Variants in KCNK2 observed in about 807,000 individuals in gnomAD.
The protein encoded by KCNK2 is potassium two pore domain channel subfamily K member 2.
In KCNK2, 21 loss-of-function variants were observed where a neutral mutation model predicts 40.5. That is an observed-to-expected ratio of 0.52 (90% CI 0.37 to 0.75). The LOEUF (loss-of-function observed/expected upper bound fraction) is 0.75, where lower values mean the gene tolerates loss of function less well. Ranked by LOEUF, KCNK2 falls within the 30% of genes least tolerant of loss-of-function variation. The pLI is 0.00. For synonymous variants in KCNK2, 191 were observed against 202.2 expected, an observed-to-expected ratio of 0.94 and a Z score of 0.47; for missense variants, 399 against 531.6, an observed-to-expected ratio of 0.75 and a Z score of 2.45.
At chr1:215,089,553 G>A (rs548385348) in intron 2 of KCNK2, among the ~76,000 whole-genome samples, 2 of 152,202 alleles carry the variant, frequency 1.3e-5, no homozygotes, top group East Asian at 1.9e-4. Context: ...CTCAGGGTGG[G>A]GTTGGGGAGG....
intron 1 of KCNK2, among the ~76,000 whole-genome samples, chr1:215,024,139 G>A (rs767983715): frequency 1.4e-4 from 21 of 152,202 alleles, no homozygotes; most frequent in Non-Finnish European, 2.4e-4. Flanking sequence ...AGGGATCTGA[G>A]TGGAGCAAGT....
intron 2 of KCNK2, among the ~76,000 whole-genome samples, chr1:215,116,147 G>C (rs1307793818): frequency 6.6e-6 from 1 of 151,968 alleles, no homozygotes; most frequent in Non-Finnish European, 1.5e-5. Flanking sequence ...TGTAAACTAT[G>C]TTAAATGTAG....
At chr1:215,051,687 G>A (rs924468940) in intron 1 of KCNK2, among the ~76,000 whole-genome samples, 2 of 152,270 alleles carry the variant, frequency 1.3e-5, no homozygotes, top group East Asian at 1.9e-4. Flanking sequence ...GCAGATGCAA[G>A]GTTCTGAAAT....
intron 6 of KCNK2, among the ~76,000 whole-genome samples, chr1:215,210,013 TATATAATATATATTATATATAA>T (rs1558141590): frequency 1.5e-4 from 3 of 20,580 alleles, no homozygotes; most frequent in Non-Finnish European, 2.2e-4. Context: ...TTATATATAA[TATATAATATATATTATATATAA>T]TATATATAAT....
At chr1:215,137,217 T>C (rs1661962539) in intron 3 of KCNK2, among the ~76,000 whole-genome samples, 1 of 152,200 alleles carries the variant, frequency 6.6e-6, no homozygotes, top group Non-Finnish European at 1.5e-5. Context: ...CAATGATCAC[T>C]TAACAAGGTC....
intron 3 of KCNK2, among the ~76,000 whole-genome samples, chr1:215,130,124 C>T (rs1661602942): frequency 6.6e-6 from 1 of 152,152 alleles, no homozygotes; most frequent in African/African-American, 2.4e-5. Context: ...TTGGAACTTT[C>T]AGCCTCACTC....
chr1:215,029,234 G>A (rs1264110062), intron 1 of KCNK2, among the ~76,000 whole-genome samples: 1 of 151,898 alleles, frequency 6.6e-6, no homozygotes, highest in East Asian at 1.9e-4. Context: ...ATACAGAGGA[G>A]TTTCATTTTC....
chr1:215,044,830 C>CGCGT lies in KCNK2; in HGVS notation c.34+38878_34+38879insTGCG, dbSNP rs1553257279. On this transcript the variant is annotated intron_variant, in intron 1 of 6. Transcript: ENST00000391895. ...GTGTGTGTGTGTGTGTGTGTGTGCG[C>CGCGT]GCGCACACGTGTGTTGATGACGAGT... 2.3e-3 allele frequency among the ~76,000 whole-genome samples: 307 copies of CGCGT among 132,538 alleles called. 1 individual carries two copies. The highest frequency in any genetic ancestry group is 5.9e-3 in the Admixed American group (80 of 13,582). The allele number at this position is 132,538 out of a possible 152,430, so 87.0% of individuals were successfully genotyped here.
chr1:215,219,734 T>A (rs1666097930), intron 6 of KCNK2, among the ~76,000 whole-genome samples: 1 of 152,194 alleles, frequency 6.6e-6, no homozygotes, highest in Admixed American at 6.5e-5. Context: ...AACTGTCAAT[T>A]TATTGTTTGT....
At chr1:215,164,838 T>C (rs941134700) in intron 3 of KCNK2, among the ~76,000 whole-genome samples, 2 of 152,156 alleles carry the variant, frequency 1.3e-5, no homozygotes, top group Non-Finnish European at 2.9e-5. Context: ...GTGTCCTCAC[T>C]GGATTGTCAA....
intron 1 of KCNK2, among the ~76,000 whole-genome samples, chr1:215,039,317 A>G (rs954406117): frequency 6.6e-6 from 1 of 152,124 alleles, no homozygotes; most frequent in Non-Finnish European, 1.5e-5. Context: ...AACAAAATTA[A>G]TCTTGAAAGA....
chr1:215,059,052 CAT>C (rs918379947), intron 1 of KCNK2, among the ~76,000 whole-genome samples: 38 of 139,566 alleles, frequency 2.7e-4, no homozygotes, highest in African/African-American at 9.5e-4. Flanking sequence ...TGCACATATA[CAT>C]GTGTATATAT....
At position 215,083,203 on chromosome 1, in the gene KCNK2, C is replaced by CCCCCCCCCCCCCGTCCCG; in HGVS notation, c.-183_-182insCCCCCCCCCCCCGTCCCG. On this transcript the variant is annotated 5_prime_UTR_variant, in exon 1 of 7. Coordinates refer to ENST00000444842, the MANE Select transcript of KCNK2 (RefSeq NM_001017425.3). Reference sequence around the variant, plus strand: ...TCGTTTCTTCTCACGCTCCCCCCCCCGCCCCCTCCCGCGTCCAGCCCCGCT... The same window carrying CCCCCCCCCCCCCGTCCCG: ...TCGTTTCTTCTCACGCTCCCCCCCCCCCCCCCCCCCCCGTCCCGGCCCCCTCCCGCGTCCAGCCCCGCT... 1.2e-6 allele frequency: 1 copy of CCCCCCCCCCCCCGTCCCG among 804,904 alleles called. No individual in the cohort carries two copies. The highest frequency in any genetic ancestry group is 1.5e-5 in the South Asian group (1 of 65,592). 49.9% of individuals were successfully genotyped at this position (804,904 alleles called of 1,614,324 possible). A position where few individuals can be genotyped will look rare whatever the true frequency, so the allele number is the denominator to read the frequency against.
chr1:215,028,185 A>G (rs1340457953), intron 1 of KCNK2, among the ~76,000 whole-genome samples: 1 of 152,088 alleles, frequency 6.6e-6, no homozygotes, highest in Non-Finnish European at 1.5e-5. Context: ...TCAGGAGTTC[A>G]AAACCAGCCT....
At chr1:215,211,442 TC>T (rs1665742557) in intron 6 of KCNK2, among the ~76,000 whole-genome samples, 1 of 152,148 alleles carries the variant, frequency 6.6e-6, no homozygotes, top group Non-Finnish European at 1.5e-5. Flanking sequence ...GACATCCTTT[TC>T]CCCAAGCACC....
At chr1:215,026,733 A>G (rs1657014048) in intron 1 of KCNK2, among the ~76,000 whole-genome samples, 1 of 152,060 alleles carries the variant, frequency 6.6e-6, no homozygotes, top group Non-Finnish European at 1.5e-5. Flanking sequence ...TTTTCATTCC[A>G]TATGAACTTT....
chr1:215,030,644 C>T (rs1384745687), intron 1 of KCNK2, among the ~76,000 whole-genome samples: 1 of 151,874 alleles, frequency 6.6e-6, no homozygotes, highest in Non-Finnish European at 1.5e-5. Flanking sequence ...AAGTGATCCT[C>T]CCACCTCAGC....
At chr1:215,214,193 TG>T (rs921133899) in intron 6 of KCNK2, among the ~76,000 whole-genome samples, 33 of 152,256 alleles carry the variant, frequency 2.2e-4, no homozygotes, top group Non-Finnish European at 4.1e-4. Flanking sequence ...GACGCATGGC[TG>T]GGGAGGCCTC....
intron 2 of KCNK2, among the ~76,000 whole-genome samples, chr1:215,116,622 A>G (rs1057285574): frequency 1.3e-5 from 2 of 152,116 alleles, no homozygotes; most frequent in Admixed American, 1.3e-4. Flanking sequence ...CGATTGCATA[A>G]TCCCCAAATG....
Sources: allele counts gnomAD v4.1 joint callset (sites outside exome capture counted in the v4.1 genomes callset), GRCh38; gene constraint gnomAD v4.1.1; transcripts MANE v1.5; gene names NCBI Gene and HGNC (gene_info 2026-07-23, HGNC 2026-07-21).